CSMD1: variants seen among roughly 807,000 people sequenced by gnomAD.
CSMD1 encodes CUB and sushi domain-containing protein 1.
A neutral mutation model predicts 417.5 loss-of-function variants in CSMD1; 213 were observed. That is an observed-to-expected ratio of 0.51 (90% CI 0.46 to 0.57). The LOEUF is 0.57. Ranked by LOEUF, CSMD1 falls within the 20% of genes least tolerant of loss-of-function variation. CSMD1 has a pLI of 0.00. For synonymous variants in CSMD1, 2,862 were observed against 1,736.8 expected, an observed-to-expected ratio of 1.65 and a Z score of -16.11; for missense variants, 6,923 against 4,529.7, an observed-to-expected ratio of 1.53 and a Z score of -15.17.
At chr8:4,492,543 G>C (rs1318479080) in intron 2 of CSMD1, among the ~76,000 whole-genome samples, 1 of 152,110 alleles carries the variant, frequency 6.6e-6, no homozygotes, top group African/African-American at 2.4e-5. Context: ...CACATGATTT[G>C]CTCTAGTTTT....
At chr8:4,586,800 T>G (rs1418344024) in intron 2 of CSMD1, among the ~76,000 whole-genome samples, 39 of 152,238 alleles carry the variant, frequency 2.6e-4, no homozygotes. Context: ...GATACTGGGC[T>G]GCAGCTGTTC....
intron 1 of CSMD1, among the ~76,000 whole-genome samples, chr8:4,816,128 T>C (rs1158946172): frequency 6.6e-6 from 1 of 152,038 alleles, no homozygotes; most frequent in Non-Finnish European, 1.5e-5. Flanking sequence ...GCATCAGACT[T>C]CAAGTTTGTC....
At chr8:4,766,473 G>C (rs990163479) in intron 1 of CSMD1, among the ~76,000 whole-genome samples, 1 of 152,200 alleles carries the variant, frequency 6.6e-6, no homozygotes. Context: ...AAGAAAAGAA[G>C]AGAGCTGCAA....
chr8:2,936,481 ATGTG>A lies in CSMD1; in HGVS notation c.*2100_*2103del, dbSNP rs1488575931. 7.9e-5 allele frequency: 12 copies of A among 151,774 alleles called. No homozygotes were observed. The highest frequency in any genetic ancestry group is 7.2e-4 in the Admixed American group (11 of 15,220). 9.4% of individuals were successfully genotyped at this position (151,774 alleles called of 1,614,324 possible). ...TTTCAATCATCTTCTGTTTCGTTCA[ATGTG>A]TGTGTTAGGAGCACGACTCCCGCTG... On this transcript the variant is annotated 3_prime_UTR_variant, in exon 70 of 70. Coordinates refer to ENST00000635120, the MANE Select transcript of CSMD1 (RefSeq NM_033225.6).
At chr8:4,278,040 C>T (rs1345576626) in intron 3 of CSMD1, among the ~76,000 whole-genome samples, 2 of 152,144 alleles carry the variant, frequency 1.3e-5, no homozygotes, top group African/African-American at 4.8e-5. Context: ...AGCCACGGCG[C>T]CCAACCCCCT....
At chr8:3,045,041 C>T (rs1305698315) in intron 50 of CSMD1, among the ~76,000 whole-genome samples, 8 of 152,122 alleles carry the variant, frequency 5.3e-5, no homozygotes, top group Non-Finnish European at 1.2e-4. Flanking sequence ...AAAATTAAAT[C>T]GGTTTTCCAG....
chr8:3,184,212 T>C (rs1425482050), intron 36 of CSMD1, among the ~76,000 whole-genome samples: 1 of 152,226 alleles, frequency 6.6e-6, no homozygotes, highest in Non-Finnish European at 1.5e-5. Context: ...TGATTCACTT[T>C]GACTTTCCTA....
At chr8:3,407,430 T>C (rs1010284109) in intron 14 of CSMD1, among the ~76,000 whole-genome samples, 25 of 149,736 alleles carry the variant, frequency 1.7e-4, no homozygotes, top group Admixed American at 1.3e-3. Flanking sequence ...GATGGATGGA[T>C]AGATGGAAGG....
At chr8:4,151,006 C>A (rs138050325) in intron 3 of CSMD1, among the ~76,000 whole-genome samples, 4 of 152,190 alleles carry the variant, frequency 2.6e-5, no homozygotes, top group Admixed American at 2.6e-4. Context: ...AGAAATGATG[C>A]AAGAGAAATT....
chr8:3,082,353 T>C (rs1377457526), intron 49 of CSMD1, among the ~76,000 whole-genome samples: 2 of 152,170 alleles, frequency 1.3e-5, no homozygotes, highest in Non-Finnish European at 2.9e-5. Flanking sequence ...CAGCTGAGAT[T>C]TCCTATGGGC....
chr8:4,068,869 G>C (rs1294293818), intron 3 of CSMD1, among the ~76,000 whole-genome samples: 1 of 152,052 alleles, frequency 6.6e-6, no homozygotes, highest in Non-Finnish European at 1.5e-5. Flanking sequence ...ATCTAGTTAG[G>C]CACTGCATTA....
chr8:4,759,741 A>G (rs1434917242), intron 1 of CSMD1, among the ~76,000 whole-genome samples: 1 of 152,038 alleles, frequency 6.6e-6, no homozygotes, highest in Non-Finnish European at 1.5e-5. Context: ...AAAAGACAAG[A>G]TCTCATTCAT....
chr8:4,399,608 G>T (rs1182323755), intron 3 of CSMD1, among the ~76,000 whole-genome samples: 2 of 151,748 alleles, frequency 1.3e-5, no homozygotes, highest in African/African-American at 4.8e-5. Flanking sequence ...CATATTTGTA[G>T]TTGTAACACC....
intron 26 of CSMD1, among the ~76,000 whole-genome samples, chr8:3,249,730 G>A (rs1235693913): frequency 7.0e-6 from 1 of 143,240 alleles, no homozygotes; most frequent in Non-Finnish European, 1.5e-5. Flanking sequence ...TAAGCTCCAA[G>A]AAGCAAGAGA....
In CSMD1 at chr8:4,143,758, G is replaced by T. The variant is rs187952329; in HGVS notation, c.416-111659C>A. ...GCTGTGAAAGGGGGGATTTATTAAA[G>T]CCAGAAAGCACTTCACAGGGTGGGA... is the stretch of plus-strand genomic sequence containing the variant. On this transcript the variant is annotated intron_variant, in intron 3 of 69. Transcript: ENST00000635120. 1.3e-3 allele frequency among the ~76,000 whole-genome samples: 200 copies of T among 151,328 alleles called. 13 individuals carry two copies. The highest frequency in any genetic ancestry group is 4.7e-3 in the African/African-American group (193 of 40,658).
chr8:3,437,757 T>TA (rs1321037242), intron 12 of CSMD1, among the ~76,000 whole-genome samples: 1 of 151,646 alleles, frequency 6.6e-6, no homozygotes, highest in Non-Finnish European at 1.5e-5. Context: ...ATCTTTTCTT[T>TA]TTTTTTTTGT....
At chr8:4,062,318 T>C (rs1200084983) in intron 3 of CSMD1, among the ~76,000 whole-genome samples, 1 of 152,020 alleles carries the variant, frequency 6.6e-6, no homozygotes, top group East Asian at 1.9e-4. Context: ...GACTTCTAAA[T>C]AATATGGTCC....
intron 2 of CSMD1, among the ~76,000 whole-genome samples, chr8:4,605,571 G>T (rs1800822197): frequency 6.6e-6 from 1 of 152,160 alleles, no homozygotes; most frequent in South Asian, 2.1e-4. Context: ...TTTCTCTAAA[G>T]ACTTTGGGAG....
chr8:4,882,760 A>T (rs925622977), intron 1 of CSMD1, among the ~76,000 whole-genome samples: 17 of 150,130 alleles, frequency 1.1e-4, no homozygotes, highest in South Asian at 2.1e-4. Flanking sequence ...ATTATCTTTT[A>T]AAAAAAACAG....
Sources: allele counts gnomAD v4.1 joint callset (sites outside exome capture counted in the v4.1 genomes callset), GRCh38; gene constraint gnomAD v4.1.1; transcripts MANE v1.5; gene names NCBI Gene and HGNC (gene_info 2026-07-23, HGNC 2026-07-21).